Variants in GSE1 observed in about 807,000 individuals in gnomAD.
GSE1 encodes genetic suppressor element 1.
In GSE1, 32 loss-of-function variants were observed where a neutral mutation model predicts 112.6. The observed-to-expected ratio is 0.28, with a 90% CI of 0.21 to 0.38. GSE1 has a LOEUF of 0.38. Among genes scored for constraint, GSE1 ranks in the 10% least tolerant of loss-of-function variants. GSE1 has a pLI of 1.00. For missense variants in GSE1, 2,348 were observed against 1,699.2 expected (o/e 1.38, Z -6.71); for synonymous variants, 1,115 against 735.6 (o/e 1.52, Z -8.35).
chr16:85,431,611 G>A (rs1209748318), intron 2 of GSE1, among the ~76,000 whole-genome samples: 1 of 152,080 alleles, frequency 6.6e-6, no homozygotes, highest in East Asian at 1.9e-4. Context: ...GTTTCTGCCC[G>A]TGCTCCCCGA....
At chr16:85,641,101 C>T (rs969741497) in intron 2 of GSE1, among the ~76,000 whole-genome samples, 14 of 152,352 alleles carry the variant, frequency 9.2e-5, no homozygotes, top group African/African-American at 2.9e-4. Flanking sequence ...CCCCTAGCCA[C>T]GTGGACATAA....
At chr16:85,175,436 A>G (rs148562002) in intron 1 of GSE1, among the ~76,000 whole-genome samples, 214 of 152,302 alleles carry the variant, frequency 1.4e-3, no homozygotes, top group African/African-American at 4.3e-3. Flanking sequence ...TTCAATCTTC[A>G]TGCTGCTGGG....
chr16:85,349,212 A>G (rs1369970635), intron 1 of GSE1, among the ~76,000 whole-genome samples: 1 of 151,934 alleles, frequency 6.6e-6, no homozygotes, highest in Admixed American at 6.5e-5. Context: ...GGCATCTCCA[A>G]TCTCCCCCTG....
At chr16:85,233,870 C>G (rs539174886) in intron 1 of GSE1, among the ~76,000 whole-genome samples, 1 of 152,030 alleles carries the variant, frequency 6.6e-6, no homozygotes, top group Non-Finnish European at 1.5e-5. Flanking sequence ...CCTTTGGAGC[C>G]GACACAGGTT....
chr16:85,567,359 C>T (rs959161636), intron 1 of GSE1, among the ~76,000 whole-genome samples: 2 of 152,232 alleles, frequency 1.3e-5, no homozygotes, highest in South Asian at 4.1e-4. Flanking sequence ...GAGCCGGTCT[C>T]TGCCCAGCTA....
chr16:85,316,629 A>G lies in GSE1; in HGVS notation c.2284-40834A>G, dbSNP rs1174552666. ...AGTGGAGGTCAGTGCTCTGCCCTCCACGGACCAGGCCACCTGCAAGGACAG... is the reference window on the plus strand; with the variant it reads ...AGTGGAGGTCAGTGCTCTGCCCTCCGCGGACCAGGCCACCTGCAAGGACAG... On this transcript the variant is annotated intron_variant, in intron 1 of 2. Coordinates refer to the GSE1 transcript ENST00000637419. Among the ~76,000 whole-genome samples, 8 of 152,326 alleles carry G rather than the reference A, an allele frequency of 5.3e-5. 1 individual carries two copies. In the Middle Eastern group the frequency reaches 0.01, roughly 194 times the overall value.
At chr16:85,313,580 C>A (rs1213391676) in intron 1 of GSE1, among the ~76,000 whole-genome samples, 2 of 150,360 alleles carry the variant, frequency 1.3e-5, no homozygotes, top group Non-Finnish European at 3.0e-5. Context: ...GAGAGGTTTT[C>A]CTGCCCTGCT....
In GSE1 at chr16:85,392,481, T is replaced by C. The variant is rs143621703; in HGVS notation, c.2464+34838T>C. On this transcript the variant is annotated intron_variant, in intron 2 of 2. Transcript: ENST00000637419. ...TCTCCCTGGAGTGGTGAACATATTC[T>C]GAAATTGACTGTGGTGAGTAGCTGC... 3.0e-3 allele frequency among the ~76,000 whole-genome samples: 462 copies of C among 152,348 alleles called. 2 individuals carry two copies. The highest frequency in any genetic ancestry group is 0.011 in the African/African-American group (447 of 41,582).
At chr16:85,197,830 G>C (rs2074957004) in intron 1 of GSE1, among the ~76,000 whole-genome samples, 1 of 152,240 alleles carries the variant, frequency 6.6e-6, no homozygotes, top group Non-Finnish European at 1.5e-5. Context: ...CTGGAGCAGA[G>C]AGAGGGTTTG....
At chr16:85,468,869 T>A (rs1246177758) in intron 2 of GSE1, among the ~76,000 whole-genome samples, 1 of 152,222 alleles carries the variant, frequency 6.6e-6, no homozygotes, top group Non-Finnish European at 1.5e-5. Context: ...AATTCACGTC[T>A]ACCAGGAACC....
At chr16:85,641,497 G>A (rs1387997163) in intron 2 of GSE1, among the ~76,000 whole-genome samples, 5 of 150,882 alleles carry the variant, frequency 3.3e-5, no homozygotes, top group Non-Finnish European at 7.4e-5. Context: ...GGAGAGCCCT[G>A]CCCTGGGAGC....
intron 1 of GSE1, among the ~76,000 whole-genome samples, chr16:85,250,479 G>A (rs749477746): frequency 3.3e-5 from 5 of 152,158 alleles, no homozygotes; most frequent in African/African-American, 1.2e-4. Context: ...GGCCTCCCCC[G>A]ACCCCCTACC....
chr16:85,420,860 C>T (rs2048825603), intron 2 of GSE1, among the ~76,000 whole-genome samples: 1 of 152,122 alleles, frequency 6.6e-6, no homozygotes, highest in African/African-American at 2.4e-5. Context: ...GTGCCGCGGG[C>T]CTCCACACGG....
At chr16:85,415,354 G>A (rs903702398) in intron 2 of GSE1, among the ~76,000 whole-genome samples, 16 of 152,226 alleles carry the variant, frequency 1.1e-4, no homozygotes, top group African/African-American at 3.6e-4. Context: ...GTGCTAAATA[G>A]GACATGATGA....
intron 1 of GSE1, among the ~76,000 whole-genome samples, chr16:85,331,463 G>C (rs1050580773): frequency 7.2e-6 from 1 of 138,892 alleles, no homozygotes; most frequent in African/African-American, 2.7e-5. Flanking sequence ...ATATATATGT[G>C]TGTATATATG....
At chr16:85,666,436 C>A in intron 13 of GSE1, 89 bp downstream of exon 13, 3 of 1,281,676 alleles carry the variant, frequency 2.3e-6, no homozygotes, top group Non-Finnish European at 3.3e-6. Flanking sequence ...AGCCGTTCAG[C>A]CGTGGGCACA....
At chr16:85,176,624 C>G (rs1259472083) in intron 1 of GSE1, among the ~76,000 whole-genome samples, 1 of 152,274 alleles carries the variant, frequency 6.6e-6, no homozygotes, top group Non-Finnish European at 1.5e-5. Context: ...TTCCAGGACT[C>G]TGTCCGGAGA....
intron 1 of GSE1, among the ~76,000 whole-genome samples, chr16:85,616,025 G>A (rs1033194874): frequency 2.0e-5 from 3 of 152,234 alleles, no homozygotes; most frequent in African/African-American, 7.2e-5. Flanking sequence ...GGAAGTTCAG[G>A]GGCTGCAGAT....
At chr16:85,641,858 C>G (rs2050477107) in intron 2 of GSE1, among the ~76,000 whole-genome samples, 1 of 152,374 alleles carries the variant, frequency 6.6e-6, no homozygotes, top group African/African-American at 2.4e-5. Flanking sequence ...CCTCCTGGGC[C>G]AAGGGGCTGG....
Sources: gnomAD v4.1 joint callset for allele counts (sites outside exome capture counted in the v4.1 genomes callset) on GRCh38, gnomAD v4.1.1 for gene constraint, MANE v1.5 for transcripts, NCBI Gene and HGNC (gene_info 2026-07-23, HGNC 2026-07-21) for gene names.